BCORL1: variants seen among roughly 807,000 people sequenced by gnomAD.
The protein encoded by BCORL1 is BCL6 corepressor like 1.
BCORL1 carries 7 observed loss-of-function variants against 87.6 expected under a neutral mutation model. The observed-to-expected ratio is 0.08, with a 90% CI of 0.05 to 0.15. The LOEUF (loss-of-function observed/expected upper bound fraction) is 0.15, where lower values mean the gene tolerates loss of function less well. Ranked by LOEUF, BCORL1 falls within the 10% of genes least tolerant of loss-of-function variation. The pLI is 1.00. For missense variants in BCORL1, 1,215 were observed against 1,499.7 expected, an observed-to-expected ratio of 0.81 and a Z score of 3.13; for synonymous variants, 591 against 634.4, an observed-to-expected ratio of 0.93 and a Z score of 1.03.
At position 130,009,268 on chromosome X, in the gene BCORL1, C is replaced by T. The variant is rs1338500025; in HGVS notation, c.87-3310C>T. Among the ~76,000 whole-genome samples, 3 of 110,745 alleles carry T rather than the reference C, an allele frequency of 2.7e-5. No individual in the cohort carries two copies. In the Admixed American group the frequency reaches 2.9e-4, roughly 11 times the overall value. On this transcript the variant is annotated intron_variant, in intron 2 of 13. Transcript: ENST00000540052. ...TCACCTGAGGTCGGGAGTTCGAGAC[C>T]AGCCTGACCAACACGGAGAAACCCC... is the stretch of plus-strand genomic sequence containing the variant.
chrX:129,990,432 T>C (rs936419426), intron 1 of BCORL1, among the ~76,000 whole-genome samples: 10 of 109,876 alleles, frequency 9.1e-5, no homozygotes, highest in African/African-American at 1.7e-4. Context: ...GGGGTTTCAC[T>C]GTGTTAGCCA....
chrX:130,040,761 G>A (rs1931258696), intron 11 of BCORL1, among the ~76,000 whole-genome samples: 1 of 112,255 alleles, frequency 8.9e-6, no homozygotes, highest in African/African-American at 3.2e-5. Context: ...CCCACGTACT[G>A]TGTACACATG....
At chrX:130,040,614 C>A (rs1200397954) in intron 11 of BCORL1, among the ~76,000 whole-genome samples, 1 of 112,373 alleles carries the variant, frequency 8.9e-6, no homozygotes, top group Non-Finnish European at 1.9e-5. Context: ...TTCCCAAGCC[C>A]CTGTCCTTGA....
intron 8 of BCORL1, among the ~76,000 whole-genome samples, chrX:130,033,026 G>A (rs1284980372): frequency 9.2e-6 from 1 of 108,436 alleles, no homozygotes; most frequent in Non-Finnish European, 1.9e-5. Flanking sequence ...GCCTTCCAAA[G>A]TGCTGGGATT....
chrX:130,037,610 CT>C, intron 10 of BCORL1, 77 bp downstream of exon 10: 2 of 1,080,660 alleles, frequency 1.9e-6, no homozygotes, highest in Non-Finnish European at 2.5e-6. Context: ...TTGCCTGCCG[CT>C]GGCAGGCATG....
rs776500693 is a variant in BCORL1, at chrX:130,016,122, A to G, written c.3350A>G (p.Lys1117Arg). The stretch of plus-strand genomic sequence containing the variant: ...GATGTGACGGAATCTCTGCCGCCCA[A>G]GAAGATGAAGTGCGGCAAAGAGAAG... ...PDDVTESLPP[K>R]KMKCGKEKDS... Residue 1117 changes from lysine (K) to arginine (R), a missense_variant, in exon 4 of 14, where the codon AAG becomes AGG. Around this residue, in one of 5 missense-constraint regions of BCORL1, gnomAD observed 861 missense variants for 1,010.0 expected, o/e 0.85. Coordinates refer to ENST00000540052, the MANE Select transcript of BCORL1 (RefSeq NM_001379451.1). 3.6e-5 allele frequency: 44 copies of G among 1,209,399 alleles called. No homozygotes were observed. The Admixed American group carries it at 9.2e-4, about 25-fold the overall frequency.
At chrX:130,041,916 C>T (rs1194742735) in intron 11 of BCORL1, among the ~76,000 whole-genome samples, 2 of 111,885 alleles carry the variant, frequency 1.8e-5, no homozygotes, top group Admixed American at 9.5e-5. Context: ...CGTGAGCCAC[C>T]GCGCCCGGCC....
At chrX:130,051,430 A>C (rs1681574024) in intron 12 of BCORL1, among the ~76,000 whole-genome samples, 1 of 112,909 alleles carries the variant, frequency 8.9e-6, no homozygotes, top group Non-Finnish European at 1.9e-5. Context: ...TGGGGAAAGG[A>C]ACCCGCTCAG....
Position 130,024,276 on chromosome X carries a change from G to A in BCORL1, c.3689-714G>A, listed in dbSNP as rs138150422. 3.7e-3 allele frequency among the ~76,000 whole-genome samples: 410 copies of A among 111,121 alleles called. 3 individuals are homozygous for A. Among genetic ancestry groups the A allele is most frequent in the African/African-American group, 0.012 (382 of 30,565 alleles). On this transcript the variant is annotated intron_variant, in intron 6 of 13. Coordinates refer to ENST00000540052, the MANE Select transcript of BCORL1 (RefSeq NM_001379451.1). ...CCAGCGGTGAGGAACAGCTACAACCGGGTGGAGGGAGGTGCCTGGGAGGAA... is the reference window on the plus strand; with the variant it reads ...CCAGCGGTGAGGAACAGCTACAACCAGGTGGAGGGAGGTGCCTGGGAGGAA...
chrX:130,003,374 C>CTTCTTCT lies in BCORL1; in HGVS notation c.-44-1812_-44-1811insCTTCTTT, dbSNP rs59660230. Among the ~76,000 whole-genome samples, 795 of 91,476 alleles carry CTTCTTCT rather than the reference C, an allele frequency of 8.7e-3. 12 individuals are homozygous for CTTCTTCT. Among genetic ancestry groups the CTTCTTCT allele is most frequent in the African/African-American group, 0.032 (744 of 23,442 alleles). 79.4% of individuals were successfully genotyped at this position (91,476 alleles called of 115,157 possible). A position where few individuals can be genotyped will look rare whatever the true frequency, so the allele number is the denominator to read the frequency against. On this transcript the variant is annotated intron_variant, in intron 1 of 13. Coordinates refer to ENST00000540052, the MANE Select transcript of BCORL1 (RefSeq NM_001379451.1). ...CCTCCTTCTTCTTCTTCTTCTTCTT[C>CTTCTTCT]TTTTTTTTTTTTTTTGAGACAGAGT...
chrX:129,991,854 C>T (rs1397715085), intron 1 of BCORL1, among the ~76,000 whole-genome samples: 6 of 99,466 alleles, frequency 6.0e-5, no homozygotes, highest in Admixed American at 4.4e-4. Flanking sequence ...TTAGTAGAGA[C>T]GGGGTTTCAC....
chrX:130,006,610 C>T (rs1297688953), intron 2 of BCORL1, among the ~76,000 whole-genome samples: 1 of 111,238 alleles, frequency 9.0e-6, no homozygotes, highest in Non-Finnish European at 1.9e-5. Context: ...CCGCCCGCCT[C>T]GGCCTCCCAA....
chrX:130,013,249 A>G lies in BCORL1; in HGVS notation c.477A>G (p.Val159=). The G allele has an allele frequency of 2.5e-6, 3 of 1,212,087 alleles. No individual in the cohort carries two copies. Among genetic ancestry groups the G allele is most frequent in the Non-Finnish European group, 3.3e-6 (3 of 895,551 alleles). Residue 159 remains valine (V), a synonymous_variant, in exon 4 of 14, where the codon GTA becomes GTG. Coordinates refer to ENST00000540052, the MANE Select transcript of BCORL1 (RefSeq NM_001379451.1). Reference sequence around the variant, plus strand: ...AGGTTGACTGCTCACCCGCCGGAGTAAAGGCTTTGGACTCTCGGCAAGGTG... The same window carrying G: ...AGGTTGACTGCTCACCCGCCGGAGTGAAGGCTTTGGACTCTCGGCAAGGTG... ...SKQVDCSPAG[V]KALDSRQGVG...
intron 1 of BCORL1, among the ~76,000 whole-genome samples, chrX:129,997,463 C>T (rs370405717): frequency 2.7e-5 from 3 of 111,037 alleles, no homozygotes; most frequent in African/African-American, 9.8e-5. Context: ...TTCCACTACC[C>T]GCTCGCCCTC....
intron 2 of BCORL1, among the ~76,000 whole-genome samples, chrX:130,006,418 T>G (rs1341493502): frequency 1.5e-4 from 16 of 104,234 alleles, no homozygotes; most frequent in Admixed American, 2.1e-4. Context: ...TGGAGTGCAG[T>G]GGCGCGATCT....
At chrX:130,050,203 G>A (rs1478616006) in intron 11 of BCORL1, among the ~76,000 whole-genome samples, 1 of 110,708 alleles carries the variant, frequency 9.0e-6, no homozygotes, top group Non-Finnish European at 1.9e-5. Flanking sequence ...AGGCCGAGGT[G>A]GGAGGATCGC....
Position 130,013,402 on chromosome X carries a change from G to C in BCORL1, c.630G>C (p.Ser210=). The change falls in exon 4 of 14, where the codon TCG becomes TCC. Residue 210 remains serine (S), a synonymous_variant. Transcript: ENST00000540052. ...PAPICPPAPG[S]ASVPHSVPDA... ...CTATCTGTCCCCCTGCTCCCGGTTC[G>C]GCCTCTGTGCCCCACTCTGTTCCAG... 1 of 1,210,143 alleles carries C rather than the reference G, an allele frequency of 8.3e-7. No individual in the cohort carries two copies. Among genetic ancestry groups the C allele is most frequent in the Non-Finnish European group, 1.1e-6 (1 of 894,948 alleles).
chrX:130,037,108 T>C lies in BCORL1; in HGVS notation c.4528-259T>C, dbSNP rs923090125. On this transcript the variant is annotated intron_variant, in intron 9 of 13. Coordinates refer to ENST00000540052, the MANE Select transcript of BCORL1 (RefSeq NM_001379451.1). ...CTGCAGTGAGCTGAGATTGCGCCAC[T>C]GCACTCCAGCCTGGGCAACAGAGTG... Among the ~76,000 whole-genome samples, 4 of 110,784 alleles carry C rather than the reference T, an allele frequency of 3.6e-5. No homozygotes were observed. The Admixed American group carries it at 3.8e-4, about 11-fold the overall frequency.
intron 1 of BCORL1, among the ~76,000 whole-genome samples, chrX:129,998,047 CA>C (rs1255063541): frequency 1.9e-5 from 2 of 106,176 alleles, no homozygotes; most frequent in African/African-American, 6.9e-5. Context: ...TTTGGATTGG[CA>C]GAGCACGTGC....
Sources: allele counts gnomAD v4.1 joint callset (sites outside exome capture counted in the v4.1 genomes callset), GRCh38; gene constraint gnomAD v4.1.1; regional missense constraint gnomAD v4.1.1; transcripts MANE v1.5; gene names NCBI Gene and HGNC (gene_info 2026-07-23, HGNC 2026-07-21).